Variants in HDAC8 observed in about 807,000 individuals in gnomAD.
The protein encoded by HDAC8 is histone deacetylase 8.
HDAC8 carries 1 observed loss-of-function variant against 32.2 expected under a neutral mutation model. That is an observed-to-expected ratio of 0.03 (90% CI 0.01 to 0.15). The LOEUF (loss-of-function observed/expected upper bound fraction) is 0.15, where lower values mean the gene tolerates loss of function less well. Among genes scored for constraint, HDAC8 ranks in the 10% least tolerant of loss-of-function variants. The pLI, the probability that HDAC8 is intolerant of heterozygous loss-of-function variation, is 1.00. For synonymous variants in HDAC8, 108 were observed against 113.9 expected (o/e 0.95, Z 0.33); for missense variants, 117 against 300.0 (o/e 0.39, Z 4.51).
chrX:72,354,183 C>T lies in HDAC8; in HGVS notation c.1006-2345G>A, dbSNP rs1443153035. On this transcript the variant is annotated intron_variant, in intron 9 of 10. Transcript: ENST00000373573. ...GAGCGACACGGTAGGCACAGTCATA[C>T]ATAACCCATTCTTTGCTGAAGCAGG... Among the ~76,000 whole-genome samples the T allele has an allele frequency of 1.8e-5, 2 of 112,502 alleles. 1 individual carries two copies. Among genetic ancestry groups the T allele is most frequent in the South Asian group, 7.3e-4 (2 of 2,724 alleles).
At chrX:72,551,427 T>G (rs1556071335) in intron 4 of HDAC8, among the ~76,000 whole-genome samples, 2 of 112,283 alleles carry the variant, frequency 1.8e-5, no homozygotes, top group Non-Finnish European at 3.8e-5. Flanking sequence ...TGCATTGTTA[T>G]ATCTAGCACT....
At chrX:72,554,944 C>T (rs2051231900) in intron 4 of HDAC8, among the ~76,000 whole-genome samples, 1 of 112,308 alleles carries the variant, frequency 8.9e-6, no homozygotes, top group Non-Finnish European at 1.9e-5. Flanking sequence ...AAGGCGCCAC[C>T]TCCTGGCTGG....
intron 9 of HDAC8, among the ~76,000 whole-genome samples, chrX:72,400,811 T>C (rs1026247469): frequency 3.6e-5 from 4 of 112,098 alleles, no homozygotes; most frequent in Non-Finnish European, 5.6e-5. Context: ...CCCCCCTGAA[T>C]GTTGCCCTCG....
At chrX:72,378,493 T>C (rs1391893866) in intron 9 of HDAC8, among the ~76,000 whole-genome samples, 1 of 112,027 alleles carries the variant, frequency 8.9e-6, no homozygotes, top group Non-Finnish European at 1.9e-5. Flanking sequence ...ACTTCCTAGC[T>C]TCCAGAACCA....
At chrX:72,557,837 GCAAGATGAAC>G (rs782611627) in intron 4 of HDAC8, among the ~76,000 whole-genome samples, 2 of 111,699 alleles carry the variant, frequency 1.8e-5, no homozygotes, top group Non-Finnish European at 3.8e-5. Flanking sequence ...TAGACAATTG[GCAAGATGAAC>G]CAAGGAAAGA....
At chrX:72,521,598 T>C (rs1452054042) in intron 4 of HDAC8, among the ~76,000 whole-genome samples, 1 of 111,318 alleles carries the variant, frequency 9.0e-6, no homozygotes, top group Non-Finnish European at 1.9e-5. Flanking sequence ...GATGGGGTCA[T>C]GTCACAAACA....
intron 9 of HDAC8, among the ~76,000 whole-genome samples, chrX:72,446,531 G>T (rs1484659379): frequency 9.1e-6 from 1 of 109,895 alleles, no homozygotes; most frequent in Non-Finnish European, 1.9e-5. Context: ...TCTGGGGACT[G>T]TTGCGGGGTG....
chrX:72,365,421 T>C (rs2044669433), intron 9 of HDAC8, among the ~76,000 whole-genome samples: 1 of 111,576 alleles, frequency 9.0e-6, no homozygotes, highest in African/African-American at 3.3e-5. Flanking sequence ...GGAATAACTA[T>C]AATGAGAAGA....
intron 10 of HDAC8, chrX:72,351,309 A>G: frequency 5.5e-6 from 1 of 182,217 alleles, no homozygotes; most frequent in Non-Finnish European, 1.0e-5. Flanking sequence ...TGTGTTGCTC[A>G]GGTTGGTTTT....
At chrX:72,422,368 T>C (rs782382241) in intron 9 of HDAC8, among the ~76,000 whole-genome samples, 63 of 111,171 alleles carry the variant, frequency 5.7e-4, no homozygotes, top group Non-Finnish European at 9.2e-4. Context: ...CGTTCTTTTT[T>C]TTCCTGTCCC....
chrX:72,407,471 C>T (rs1472029852), intron 9 of HDAC8, among the ~76,000 whole-genome samples: 1 of 112,133 alleles, frequency 8.9e-6, no homozygotes, highest in African/African-American at 3.2e-5. Context: ...TTATTCTCAC[C>T]CTTCAAATTG....
intron 9 of HDAC8, among the ~76,000 whole-genome samples, chrX:72,394,337 A>C (rs1392043322): frequency 3.6e-5 from 4 of 111,257 alleles, no homozygotes; most frequent in African/African-American, 1.3e-4. Context: ...TTATGCTTCT[A>C]TCCCTTGGGA....
chrX:72,442,234 C>T (rs1243336226), intron 9 of HDAC8, among the ~76,000 whole-genome samples: 1 of 110,626 alleles, frequency 9.0e-6, no homozygotes, highest in African/African-American at 3.3e-5. Flanking sequence ...ACGTAATTGT[C>T]AGATTCACCA....
chrX:72,340,873 G>A (rs1205252080), intron 10 of HDAC8, among the ~76,000 whole-genome samples: 2 of 111,687 alleles, frequency 1.8e-5, no homozygotes, highest in Non-Finnish European at 3.8e-5. Context: ...GGTAGGGTGT[G>A]TCACAAACAT....
chrX:72,521,384 T>C (rs1416470817), intron 4 of HDAC8, among the ~76,000 whole-genome samples: 1 of 111,520 alleles, frequency 9.0e-6, no homozygotes, highest in Non-Finnish European at 1.9e-5. Flanking sequence ...TATATATTTC[T>C]TAGGTTGGTC....
At chrX:72,411,249 C>G (rs1279677575) in intron 9 of HDAC8, among the ~76,000 whole-genome samples, 1 of 110,581 alleles carries the variant, frequency 9.0e-6, no homozygotes, top group Non-Finnish European at 1.9e-5. Context: ...TGGTCTTGAA[C>G]TCTTGACCTC....
At chrX:72,538,504 C>G (rs2050605089) in intron 4 of HDAC8, among the ~76,000 whole-genome samples, 1 of 111,527 alleles carries the variant, frequency 9.0e-6, no homozygotes, top group African/African-American at 3.3e-5. Context: ...TATATTTAAA[C>G]ACTGACACTG....
chrX:72,375,386 G>T (rs1033074751), intron 9 of HDAC8, among the ~76,000 whole-genome samples: 1 of 111,776 alleles, frequency 8.9e-6, no homozygotes, highest in East Asian at 2.8e-4. Flanking sequence ...CTGCAAACCG[G>T]AGTCCAAGGA....
intron 4 of HDAC8, among the ~76,000 whole-genome samples, chrX:72,525,848 C>G (rs1220878572): frequency 6.0e-5 from 5 of 82,726 alleles, no homozygotes; most frequent in Non-Finnish European, 6.8e-5. Context: ...AAAAAAAATC[C>G]CGGTCCTCAT....
Sources: gnomAD v4.1 joint callset for allele counts (sites outside exome capture counted in the v4.1 genomes callset) on GRCh38, gnomAD v4.1.1 for gene constraint, MANE v1.5 for transcripts, NCBI Gene and HGNC (gene_info 2026-07-23, HGNC 2026-07-21) for gene names.